Variants in INPP4A observed in about 807,000 individuals in gnomAD.
The protein encoded by INPP4A is inositol polyphosphate-4-phosphatase, type I, 107kD.
INPP4A carries 33 observed loss-of-function variants against 119.8 expected under a neutral mutation model. The observed-to-expected ratio is 0.28, with a 90% CI of 0.21 to 0.37. The LOEUF (loss-of-function observed/expected upper bound fraction) is 0.37, where lower values mean the gene tolerates loss of function less well. INPP4A is among the 10% of genes least tolerant of loss of function. The pLI is 1.00. For synonymous variants in INPP4A, 496 were observed against 500.7 expected (o/e 0.99, Z 0.12); for missense variants, 956 against 1,289.9 (o/e 0.74, Z 3.97).
chr2:98,508,829 C>T (rs548325607), intron 1 of INPP4A, among the ~76,000 whole-genome samples: 17 of 152,262 alleles, frequency 1.1e-4, no homozygotes, highest in South Asian at 8.3e-4. Flanking sequence ...GACAGCAGAC[C>T]GCCATGTACA....
intron 1 of INPP4A, among the ~76,000 whole-genome samples, chr2:98,481,620 T>C (rs1479687322): frequency 6.6e-6 from 1 of 152,132 alleles, no homozygotes; most frequent in Non-Finnish European, 1.5e-5. Flanking sequence ...CAGTAACAGA[T>C]TAATGGGGAA....
chr2:98,554,217 G>T lies in INPP4A; in HGVS notation c.1348-54G>T. On this transcript the variant is annotated intron_variant, in intron 14 of 24. Coordinates refer to ENST00000409851, the MANE Select transcript of INPP4A (RefSeq NM_001134225.2). The surrounding 1 kb of genome is among the most constrained non-coding windows in gnomAD (Gnocchi z 4.7). ...TCTCCATTTCTGAGATAAGGCAGGG[G>T]CCTCCCCAGCCCCTGGCCTGGGCTC... 1.4e-6 allele frequency: 2 copies of T among 1,394,082 alleles called. No homozygotes were observed. Among genetic ancestry groups the T allele is most frequent in the Non-Finnish European group, 2.0e-6 (2 of 1,013,764 alleles). 86.4% of individuals were successfully genotyped at this position (1,394,082 alleles called of 1,614,324 possible).
intron 10 of INPP4A, 117 bp downstream of exon 10, chr2:98,539,792 C>T (rs1371615444): frequency 9.9e-7 from 1 of 1,014,772 alleles, no homozygotes; most frequent in Non-Finnish European, 1.4e-6. Context: ...AACACAGCCT[C>T]TCCCCCTGCA....
At chr2:98,459,030 C>A (rs191240330) in intron 1 of INPP4A, among the ~76,000 whole-genome samples, 1 of 152,366 alleles carries the variant, frequency 6.6e-6, no homozygotes, top group East Asian at 1.9e-4. Flanking sequence ...ACATTTGCCA[C>A]CAGTGTGATT....
chr2:98,561,279 T>C (rs1695426880), intron 17 of INPP4A, among the ~76,000 whole-genome samples: 1 of 152,220 alleles, frequency 6.6e-6, no homozygotes, highest in Non-Finnish European at 1.5e-5. Flanking sequence ...CTCAGGACAT[T>C]GTTTCACTGA....
intron 13 of INPP4A, among the ~76,000 whole-genome samples, chr2:98,550,101 G>A (rs538453713): frequency 1.3e-5 from 2 of 152,150 alleles, no homozygotes; most frequent in African/African-American, 2.4e-5. Context: ...CAACCCAGGT[G>A]TTTTGGGTTG....
chr2:98,483,826 T>G (rs1678992623), intron 1 of INPP4A, among the ~76,000 whole-genome samples: 1 of 152,168 alleles, frequency 6.6e-6, no homozygotes, highest in East Asian at 1.9e-4. Context: ...GCACATTGGC[T>G]GCACCCAACA....
intron 9 of INPP4A, among the ~76,000 whole-genome samples, 156 bp downstream of exon 9, chr2:98,539,137 A>G (rs1409301459): frequency 1.3e-5 from 2 of 152,194 alleles, no homozygotes; most frequent in East Asian, 1.9e-4. Context: ...TGCAGCATAT[A>G]AAGAGTTATC....
chr2:98,493,903 G>C (rs1052655611), intron 1 of INPP4A, among the ~76,000 whole-genome samples: 3 of 152,212 alleles, frequency 2.0e-5, no homozygotes, highest in African/African-American at 4.8e-5. Context: ...GTTAGGGGCT[G>C]TGTGGACTTG....
At chr2:98,493,627 G>A (rs1377885069) in intron 1 of INPP4A, among the ~76,000 whole-genome samples, 2 of 151,870 alleles carry the variant, frequency 1.3e-5, no homozygotes, top group Non-Finnish European at 2.9e-5. Flanking sequence ...AAACTTATGA[G>A]CTCAAGCAGT....
chr2:98,581,496 G>A (rs1442521698), intron 24 of INPP4A: 20 of 1,311,440 alleles, frequency 1.5e-5, no homozygotes, highest in Admixed American at 6.8e-5. Flanking sequence ...AAAATCCATC[G>A]CATGTGTCTT....
intron 10 of INPP4A, among the ~76,000 whole-genome samples, chr2:98,541,154 C>T (rs1417926959): frequency 2.0e-5 from 3 of 152,088 alleles, no homozygotes; most frequent in Non-Finnish European, 4.4e-5. Context: ...GGTGAAACCT[C>T]GTTTCTACTA....
At chr2:98,491,480 C>T (rs1392836524) in intron 1 of INPP4A, among the ~76,000 whole-genome samples, 8 of 152,190 alleles carry the variant, frequency 5.3e-5, no homozygotes, top group East Asian at 1.9e-4. Flanking sequence ...AGAAGCCGCA[C>T]GTTTCCCTTG....
intron 4 of INPP4A, among the ~76,000 whole-genome samples, chr2:98,528,420 A>G (rs561137132): frequency 2.0e-5 from 3 of 152,350 alleles, no homozygotes; most frequent in East Asian, 3.9e-4. Flanking sequence ...GACACAATCA[A>G]GTGCACCAAT....
intron 1 of INPP4A, among the ~76,000 whole-genome samples, chr2:98,487,019 A>G (rs963372759): frequency 6.6e-6 from 1 of 152,254 alleles, no homozygotes; most frequent in Non-Finnish European, 1.5e-5. Flanking sequence ...GTTGATTCAG[A>G]GCTAAGGTTG....
chr2:98,462,397 G>A (rs982084889), intron 1 of INPP4A, among the ~76,000 whole-genome samples: 9 of 152,150 alleles, frequency 5.9e-5, no homozygotes, highest in African/African-American at 1.9e-4. Flanking sequence ...GCAGTGAGCC[G>A]AGATCGTGCC....
At chr2:98,449,992 T>C (rs1694944245) in intron 1 of INPP4A, among the ~76,000 whole-genome samples, 1 of 152,248 alleles carries the variant, frequency 6.6e-6, no homozygotes, top group African/African-American at 2.4e-5. Flanking sequence ...TGTTCATTTT[T>C]TCTTGTTGGG....
At chr2:98,512,516 C>T (rs972398124) in intron 1 of INPP4A, among the ~76,000 whole-genome samples, 11 of 152,174 alleles carry the variant, frequency 7.2e-5, no homozygotes, top group Admixed American at 5.9e-4. Context: ...GCATGGTGCC[C>T]GCATCTGGTG....
intron 7 of INPP4A, 118 bp downstream of exon 7, chr2:98,536,326 A>G (rs1690261174): frequency 1.5e-6 from 1 of 683,160 alleles, no homozygotes; most frequent in East Asian, 2.7e-5. Context: ...GAAGCCAGTC[A>G]GCGTGGGGAC....
Sources: gnomAD v4.1 joint callset for allele counts (sites outside exome capture counted in the v4.1 genomes callset) on GRCh38, gnomAD v4.1.1 for gene constraint, Gnocchi (gnomAD v3.1) non-coding constraint, MANE v1.5 for transcripts, NCBI Gene and HGNC (gene_info 2026-07-23, HGNC 2026-07-21) for gene names.